The following PSME4 variants were observed in gnomAD, a reference collection of about 807,000 sequenced individuals.
The protein encoded by PSME4 is proteasome activator complex subunit 4.
In PSME4, 89 loss-of-function variants were observed where a neutral mutation model predicts 253.9. The ratio of observed to expected loss-of-function variants is 0.35; its 90% CI spans 0.30 to 0.42. The LOEUF (loss-of-function observed/expected upper bound fraction) is 0.42. Among genes scored for constraint, PSME4 ranks in the 10% least tolerant of loss-of-function variants. The pLI is 1.00. For missense variants in PSME4, 2,014 were observed against 2,195.2 expected (o/e 0.92, Z 1.65); for synonymous variants, 851 against 759.2 (o/e 1.12, Z -1.99).
At chr2:53,894,900 C>A (rs1315655669) in intron 34 of PSME4, 107 bp downstream of exon 34, 1 of 1,020,582 alleles carries the variant, frequency 9.8e-7, no homozygotes, top group Non-Finnish European at 1.4e-6. Flanking sequence ...CAGAAAAACA[C>A]AAATTGTATT....
intron 21 of PSME4, 99 bp from the exon 22 acceptor site, chr2:53,908,939 T>G: frequency 1.1e-6 from 1 of 886,752 alleles, no homozygotes; most frequent in Non-Finnish European, 1.8e-6. Flanking sequence ...GATAAAGTAT[T>G]GGAGAAAAAA....
chr2:53,927,320 T>C (rs1227729707), intron 12 of PSME4, 74 bp downstream of exon 12: 3 of 1,079,958 alleles, frequency 2.8e-6, no homozygotes, highest in Non-Finnish European at 4.2e-6. Context: ...GTTTCTAAAC[T>C]GTCAAGTGTT....
At position 53,922,559 on chromosome 2, in the gene PSME4, C is replaced by T; in HGVS notation, c.2004G>A (p.Glu668=). 1 of 1,612,864 alleles carries T rather than the reference C, an allele frequency of 6.2e-7. No individual in the cohort carries two copies. Among genetic ancestry groups the T allele is most frequent in the South Asian group, 1.1e-5 (1 of 90,754 alleles). Residue 668 remains glutamate, a synonymous_variant, in exon 17 of 47, where the codon GAG becomes GAA. Coordinates refer to ENST00000404125, the MANE Select transcript of PSME4 (RefSeq NM_014614.3). The stretch of plus-strand genomic sequence containing the variant: ...GATTCCATAGTAATTCCTTGTCTAG[C>T]TCTTCATCATTTAATACATCATCAT... The part of the protein sequence containing the change: ...TMNDDVLNDE[E]LDKELLWNLQ...
intron 27 of PSME4, 84 bp downstream of exon 27, chr2:53,903,941 G>T (rs1680528818): frequency 9.1e-7 from 1 of 1,100,754 alleles, no homozygotes; most frequent in Non-Finnish European, 1.3e-6. Flanking sequence ...TGGTGAAGAA[G>T]ATATGGATGT....
intron 1 of PSME4, 121 bp from the exon 2 acceptor site, chr2:53,949,404 A>C (rs1215134604): frequency 3.8e-6 from 2 of 521,016 alleles, no homozygotes; most frequent in Non-Finnish European, 6.4e-6. Context: ...AGAAGGATGA[A>C]TGGATAAGGA....
rs1396846248 is a variant in PSME4, at chr2:53,898,288, C to G, written c.3476+13G>C. 1 of 1,597,842 alleles carries G rather than the reference C, an allele frequency of 6.3e-7. No homozygotes were observed. ...AAAATGCTGTGAGAATTACAAAAAT[C>G]TTTTGCACTTACAGGTTTCTTTGCT... On this transcript the variant is annotated intron_variant, in intron 30 of 46. Transcript: ENST00000404125.
At chr2:53,915,483 G>A (rs1394836859) in intron 20 of PSME4, among the ~76,000 whole-genome samples, 2 of 151,566 alleles carry the variant, frequency 1.3e-5, no homozygotes, top group East Asian at 3.9e-4. Flanking sequence ...TGTAATCCTA[G>A]CACTTTGGGA....
intron 17 of PSME4, among the ~76,000 whole-genome samples, chr2:53,922,159 G>C (rs976774299): frequency 2.0e-5 from 3 of 151,666 alleles, no homozygotes; most frequent in Non-Finnish European, 4.4e-5. Context: ...GCGATAGTGA[G>C]ACAAAAAGAA....
chr2:53,962,789 G>A (rs1330172463), intron 1 of PSME4, among the ~76,000 whole-genome samples: 1 of 152,006 alleles, frequency 6.6e-6, no homozygotes, highest in African/African-American at 2.4e-5. Flanking sequence ...GAGGCAGGCG[G>A]ATCATGAGGT....
chr2:53,943,823 C>T (rs1383143453), intron 3 of PSME4, among the ~76,000 whole-genome samples: 1 of 50,726 alleles, frequency 2.0e-5, no homozygotes, highest in Non-Finnish European at 3.6e-5. Flanking sequence ...GCCTGGGCAA[C>T]AACAGCAAAA....
chr2:53,899,692 C>A (rs1680303526), intron 29 of PSME4, among the ~76,000 whole-genome samples, 189 bp downstream of exon 29: 1 of 151,836 alleles, frequency 6.6e-6, no homozygotes, highest in Non-Finnish European at 1.5e-5. Flanking sequence ...GTGGTGCATG[C>A]CTGTAATCTC....
chr2:53,893,376 G>A (rs1679999377), intron 35 of PSME4, among the ~76,000 whole-genome samples: 1 of 152,094 alleles, frequency 6.6e-6, no homozygotes, highest in South Asian at 2.1e-4. Flanking sequence ...AAATGGTATT[G>A]TATTTGCATA....
intron 38 of PSME4, 124 bp from the exon 39 acceptor site, chr2:53,888,113 C>T: frequency 1.1e-6 from 1 of 904,342 alleles, no homozygotes; most frequent in Non-Finnish European, 1.6e-6. Context: ...ATAAATACTA[C>T]AATATCCACA....
chr2:53,963,102 G>A (rs542016098), intron 1 of PSME4, among the ~76,000 whole-genome samples: 70 of 152,124 alleles, frequency 4.6e-4, no homozygotes, highest in South Asian at 3.3e-3. Flanking sequence ...AAAGGTGGAG[G>A]ATCACTTGAG....
chr2:53,936,839 A>T lies in PSME4; in HGVS notation c.696-12T>A. 6.4e-7 allele frequency: 1 copy of T among 1,572,236 alleles called. No homozygotes were observed. Among genetic ancestry groups the T allele is most frequent in the Non-Finnish European group, 8.6e-7 (1 of 1,157,684 alleles). ...CATCAAACCAAAGTCTAAAGAAGAA[A>T]AATGTTGTTATGAATAGCAAGTGAT... On this transcript the variant is annotated splice_polypyrimidine_tract_variant and intron_variant, in intron 5 of 46. Coordinates refer to ENST00000404125, the MANE Select transcript of PSME4 (RefSeq NM_014614.3).
intron 46 of PSME4, 143 bp downstream of exon 46, chr2:53,865,942 G>C: frequency 1.1e-6 from 1 of 885,550 alleles, no homozygotes; most frequent in Non-Finnish European, 1.6e-6. Flanking sequence ...CGTAGCAAAA[G>C]CCATGTTTAA....
intron 1 of PSME4, among the ~76,000 whole-genome samples, chr2:53,967,484 A>G (rs1670791708): frequency 6.6e-6 from 1 of 151,768 alleles, no homozygotes. Context: ...TCTACTAAAA[A>G]TACAAAAATT....
intron 44 of PSME4, among the ~76,000 whole-genome samples, chr2:53,868,576 A>AATATATATAATATATAAT (rs1678715458): frequency 1.9e-5 from 2 of 103,836 alleles, no homozygotes; most frequent in African/African-American, 9.9e-5. Context: ...TATATATTAT[A>AATATATATAATATATAAT]AAATATATTT....
intron 1 of PSME4, among the ~76,000 whole-genome samples, chr2:53,950,512 A>T (rs910271368): frequency 1.1e-4 from 16 of 152,338 alleles, no homozygotes; most frequent in Admixed American, 1.0e-3. Context: ...TAAACAATGT[A>T]ATCAAAAGCA....
Sources: allele counts gnomAD v4.1 joint callset (sites outside exome capture counted in the v4.1 genomes callset), GRCh38; gene constraint gnomAD v4.1.1; transcripts MANE v1.5; gene names NCBI Gene and HGNC (gene_info 2026-07-23, HGNC 2026-07-21).